The following STYX variants were observed in gnomAD, a reference collection of about 807,000 sequenced individuals.
STYX encodes the protein serine/threonine/tyrosine interacting protein.
Under a neutral mutation model 42.7 loss-of-function variants are expected in STYX, and 20 were observed. That is an observed-to-expected ratio of 0.47 (90% confidence interval 0.33 to 0.68). The LOEUF is 0.68. Ranked by LOEUF, STYX falls within the 30% of genes least tolerant of loss-of-function variation. The pLI is 0.02. For synonymous variants in STYX, 78 were observed against 81.9 expected, an observed-to-expected ratio of 0.95 and a Z score of 0.26; for missense variants, 226 against 268.5, an observed-to-expected ratio of 0.84 and a Z score of 1.11.
At chr14:52,763,899 T>G (rs1214974041) in intron 9 of STYX, among the ~76,000 whole-genome samples, 1 of 152,218 alleles carries the variant, frequency 6.6e-6, no homozygotes, top group Non-Finnish European at 1.5e-5. Context: ...TCCCCTTTTT[T>G]GGTTCTGCAA....
At chr14:52,743,311 G>T (rs1881268208) in intron 1 of STYX, among the ~76,000 whole-genome samples, 1 of 151,986 alleles carries the variant, frequency 6.6e-6, no homozygotes, top group South Asian at 2.1e-4. Flanking sequence ...GCCGGGGGCA[G>T]TAGCTCACTC....
chr14:52,763,501 G>C lies in STYX; in HGVS notation c.504+3747G>C, dbSNP rs75365076. On this transcript the variant is annotated intron_variant, in intron 9 of 10. Transcript: ENST00000354586. ...GGCTATTAATTATCCTCTTTGCATTGTGTTAGTCGCATGCTGCAGATTCTC... is the reference window on the plus strand; with the variant it reads ...GGCTATTAATTATCCTCTTTGCATTCTGTTAGTCGCATGCTGCAGATTCTC... Among the ~76,000 whole-genome samples, 1,126 of 152,124 alleles carry C rather than the reference G, an allele frequency of 7.4e-3. 3 individuals carry two copies. Among genetic ancestry groups the C allele is most frequent in the Middle Eastern group, 0.01 (3 of 294 alleles).
intron 4 of STYX, 65 bp from the exon 5 acceptor site, chr14:52,756,485 TA>T (rs754346067): frequency 8.6e-6 from 8 of 934,288 alleles, no homozygotes; most frequent in South Asian, 7.6e-5. Context: ...AATAATGAGT[TA>T]TTTTTTTAAA....
chr14:52,759,917 G>A (rs987481542), intron 9 of STYX, among the ~76,000 whole-genome samples, 163 bp downstream of exon 9: 1 of 152,082 alleles, frequency 6.6e-6, no homozygotes, highest in Non-Finnish European at 1.5e-5. Context: ...TATTTTCTTG[G>A]CTGGGTGTGG....
chr14:52,754,578 T>G lies in STYX; in HGVS notation c.243-1973T>G, dbSNP rs576023557. Among the ~76,000 whole-genome samples the G allele has an allele frequency of 7.9e-5, 12 of 152,292 alleles. No homozygotes were observed. The South Asian group carries it at 1.9e-3, about 24-fold the overall frequency. On this transcript the variant is annotated intron_variant, in intron 4 of 10. Transcript: ENST00000354586. ...AATGACACCAAGAAAAATATTTAAA[T>G]CATCTACAGTTCCACAATTCAGAGA...
intron 9 of STYX, among the ~76,000 whole-genome samples, chr14:52,765,587 A>G (rs17125742): frequency 0.51 from 77,832 of 152,050 alleles, 20,037 homozygotes; most frequent in South Asian, 0.57. Context: ...ATTGATTTGT[A>G]TCAGGAGAAG....
chr14:52,761,155 C>G (rs1202313770), intron 9 of STYX, among the ~76,000 whole-genome samples: 1 of 151,860 alleles, frequency 6.6e-6, no homozygotes, highest in Non-Finnish European at 1.5e-5. Context: ...ATGGGGAAAC[C>G]CCATCTCTAC....
chr14:52,741,227 TA>T (rs71444776), intron 1 of STYX, among the ~76,000 whole-genome samples: 16,493 of 96,102 alleles, frequency 0.17, 1,028 homozygotes, highest in African/African-American at 0.24. Context: ...TATATATATA[TA>T]TATTTTTTTT....
At chr14:52,755,688 T>TG (rs1332315371) in intron 4 of STYX, among the ~76,000 whole-genome samples, 3 of 151,014 alleles carry the variant, frequency 2.0e-5, no homozygotes, top group Non-Finnish European at 4.4e-5. Flanking sequence ...AGCTAGTTTT[T>TG]TTTTTTTTTT....
At chr14:52,733,968 G>A (rs952521375) in intron 1 of STYX, among the ~76,000 whole-genome samples, 8 of 152,062 alleles carry the variant, frequency 5.3e-5, no homozygotes, top group Non-Finnish European at 7.4e-5. Flanking sequence ...TTTCCCATTG[G>A]CCATTCCATG....
At chr14:52,731,790 C>A (rs967127770) in intron 1 of STYX, 1 of 151,894 alleles carries the variant, frequency 6.6e-6, no homozygotes, top group Non-Finnish European at 1.5e-5. Flanking sequence ...TTGACAATTA[C>A]ATTTGTTTTA....
chr14:52,770,653 T>C (rs1882476962), intron 10 of STYX, among the ~76,000 whole-genome samples: 1 of 152,078 alleles, frequency 6.6e-6, no homozygotes, highest in South Asian at 2.1e-4. Context: ...CAAAAAATTA[T>C]ACAAATACAA....
chr14:52,771,292 C>T lies in STYX; in HGVS notation c.*186C>T. The T allele has an allele frequency of 5.8e-6, 3 of 514,492 alleles. No homozygotes were observed. Among genetic ancestry groups the T allele is most frequent in the Non-Finnish European group, 1.0e-5 (3 of 293,226 alleles). 31.9% of individuals were successfully genotyped at this position (514,492 alleles called of 1,614,324 possible). On this transcript the variant is annotated 3_prime_UTR_variant, in exon 11 of 11. Coordinates refer to ENST00000354586, the MANE Select transcript of STYX (RefSeq NM_145251.4). ...TGTTGGACTTCTGCAATAGATGACA[C>T]TGATGGTTTTACTCCTTTTTTTAAA...
intron 9 of STYX, among the ~76,000 whole-genome samples, chr14:52,765,725 G>A (rs1231779622): frequency 6.6e-6 from 1 of 152,166 alleles, no homozygotes; most frequent in South Asian, 2.1e-4. Context: ...CAGATCATCA[G>A]GCATTAGTTA....
At chr14:52,759,406 C>G (rs963799965) in intron 8 of STYX, among the ~76,000 whole-genome samples, 2 of 152,212 alleles carry the variant, frequency 1.3e-5, no homozygotes, top group African/African-American at 4.8e-5. Context: ...AGGCAAGAGC[C>G]ACTGCACCTG....
At chr14:52,735,952 G>A (rs1880929943) in intron 1 of STYX, among the ~76,000 whole-genome samples, 1 of 152,114 alleles carries the variant, frequency 6.6e-6, no homozygotes, top group South Asian at 2.1e-4. Context: ...TTGTTTTGAA[G>A]ATGAAATTTA....
At chr14:52,750,863 C>T (rs994315250) in intron 4 of STYX, 83 bp downstream of exon 4, 2 of 907,926 alleles carry the variant, frequency 2.2e-6, no homozygotes. Context: ...CTGTACATAT[C>T]TAGTTTGTAA....
chr14:52,758,374 A>G (rs1881958886), intron 8 of STYX, among the ~76,000 whole-genome samples: 1 of 152,130 alleles, frequency 6.6e-6, no homozygotes, highest in South Asian at 2.1e-4. Flanking sequence ...GGGGGTGGTA[A>G]TGAGCTTCTT....
chr14:52,732,871 A>G lies in STYX; in HGVS notation c.57+2340A>G, dbSNP rs538606995. ...CTTTTAGTAGAGACGGGGTTTCACCATGTTGGCCCTGCTGGTCTGGAACGC... is the reference window on the plus strand; with the variant it reads ...CTTTTAGTAGAGACGGGGTTTCACCGTGTTGGCCCTGCTGGTCTGGAACGC... On this transcript the variant is annotated intron_variant, in intron 1 of 10. Transcript: ENST00000354586. Among the ~76,000 whole-genome samples the G allele has an allele frequency of 1.7e-3, 251 of 151,388 alleles. 2 individuals carry two copies. Among genetic ancestry groups the G allele is most frequent in the African/African-American group, 5.8e-3 (241 of 41,262 alleles).
Sources: gnomAD v4.1 joint callset for allele counts (sites outside exome capture counted in the v4.1 genomes callset) on GRCh38, gnomAD v4.1.1 for gene constraint, MANE v1.5 for transcripts, NCBI Gene and HGNC (gene_info 2026-07-23, HGNC 2026-07-21) for gene names.